SGCD: variants seen among roughly 807,000 people sequenced by gnomAD.
The protein encoded by SGCD is delta-sarcoglycan.
SGCD carries 18 observed loss-of-function variants against 36.6 expected under a neutral mutation model. The observed-to-expected ratio is 0.49, with a 90% CI of 0.34 to 0.73. The LOEUF is 0.73. Among genes scored for constraint, SGCD ranks in the 30% least tolerant of loss-of-function variants. The pLI, the probability that SGCD is intolerant of heterozygous loss-of-function variation, is 0.01. For missense variants in SGCD, 387 were observed against 346.7 expected, an observed-to-expected ratio of 1.12 and a Z score of -0.92; for synonymous variants, 133 against 130.6, an observed-to-expected ratio of 1.02 and a Z score of -0.12.
At chr5:156,267,123 G>GT (rs1345994739) in intron 3 of SGCD, among the ~76,000 whole-genome samples, 3 of 152,104 alleles carry the variant, frequency 2.0e-5, no homozygotes, top group African/African-American at 7.2e-5. Context: ...TAAGATGGGG[G>GT]TATCAAATGT....
At chr5:156,542,894 C>T (rs1185854671) in intron 4 of SGCD, among the ~76,000 whole-genome samples, 1 of 152,152 alleles carries the variant, frequency 6.6e-6, no homozygotes, top group Non-Finnish European at 1.5e-5. Flanking sequence ...TCAGAAGAGC[C>T]AGGCACCCCT....
chr5:156,623,944 C>T (rs1238835165), intron 6 of SGCD, among the ~76,000 whole-genome samples: 2 of 152,180 alleles, frequency 1.3e-5, no homozygotes, highest in African/African-American at 4.8e-5. Context: ...CTAATTCTTC[C>T]TCCAAGGACT....
At chr5:156,636,937 CAAAT>C (rs1186377141) in intron 6 of SGCD, among the ~76,000 whole-genome samples, 1 of 152,016 alleles carries the variant, frequency 6.6e-6, no homozygotes, top group Non-Finnish European at 1.5e-5. Flanking sequence ...TAAGGGGTCT[CAAAT>C]AAATAATAAG....
At chr5:156,377,464 G>T (rs1770731076) in intron 3 of SGCD, among the ~76,000 whole-genome samples, 2 of 152,194 alleles carry the variant, frequency 1.3e-5, no homozygotes, top group South Asian at 4.1e-4. Context: ...GTAATGATTT[G>T]TTATAATTTA....
At chr5:156,644,055 G>A (rs1763140555) in intron 6 of SGCD, among the ~76,000 whole-genome samples, 3 of 152,058 alleles carry the variant, frequency 2.0e-5, no homozygotes, top group South Asian at 2.1e-4. Context: ...AGCAAACTCT[G>A]TTAAGCTAGT....
At chr5:156,122,975 AG>A (rs1351080089) in intron 2 of SGCD, among the ~76,000 whole-genome samples, 1 of 151,280 alleles carries the variant, frequency 6.6e-6, no homozygotes, top group African/African-American at 2.4e-5. Flanking sequence ...ACAGGAATCA[AG>A]GTTTACTTGG....
At chr5:156,312,660 G>A (rs1181938174) in intron 3 of SGCD, among the ~76,000 whole-genome samples, 1 of 152,046 alleles carries the variant, frequency 6.6e-6, no homozygotes, top group Non-Finnish European at 1.5e-5. Flanking sequence ...TATGTGATTT[G>A]GGGCAGCTAT....
the SGCD span, among the ~76,000 whole-genome samples, chr5:155,788,882 T>C: frequency 6.6e-6 from 1 of 152,080 alleles, no homozygotes; most frequent in African/African-American, 2.4e-5. Context: ...CAGAGAATGA[T>C]AGTTCAGGCC....
chr5:156,413,044 G>T (rs1209100687), intron 3 of SGCD, among the ~76,000 whole-genome samples: 1 of 151,784 alleles, frequency 6.6e-6, no homozygotes, highest in African/African-American at 2.4e-5. Flanking sequence ...TGATCCACCT[G>T]CCTCGGCCTC....
chr5:156,589,414 A>T (rs1237301260), intron 5 of SGCD, 96 bp downstream of exon 5: 2 of 692,008 alleles, frequency 2.9e-6, no homozygotes, highest in East Asian at 2.7e-5. Flanking sequence ...ACCTGAAAAT[A>T]AAGTGTGCTA....
At chr5:156,262,910 T>TGG (rs1347503268) in intron 3 of SGCD, among the ~76,000 whole-genome samples, 1 of 151,956 alleles carries the variant, frequency 6.6e-6, no homozygotes, top group Non-Finnish European at 1.5e-5. Context: ...TGTGTGTGTG[T>TGG]GTGTGTGTGT....
intron 3 of SGCD, among the ~76,000 whole-genome samples, chr5:156,138,012 A>G (rs1010872388): frequency 6.6e-6 from 1 of 152,168 alleles, no homozygotes; most frequent in Non-Finnish European, 1.5e-5. Flanking sequence ...CCCTGCCCCA[A>G]TCAAGGTACA....
intron 3 of SGCD, among the ~76,000 whole-genome samples, chr5:156,126,652 C>A (rs1195184028): frequency 2.6e-5 from 4 of 152,188 alleles, no homozygotes; most frequent in East Asian, 3.9e-4. Context: ...TGCTTCCTGG[C>A]TCCTGTGCTC....
the SGCD span, among the ~76,000 whole-genome samples, chr5:155,800,252 C>G: frequency 6.6e-6 from 1 of 152,168 alleles, no homozygotes; most frequent in East Asian, 1.9e-4. Flanking sequence ...TTTTGTTGCT[C>G]AATGCTGTAT....
intron 3 of SGCD, among the ~76,000 whole-genome samples, chr5:156,272,271 A>G (rs1020647694): frequency 5.3e-5 from 8 of 152,148 alleles, no homozygotes; most frequent in Admixed American, 4.6e-4. Flanking sequence ...AACATGTGAT[A>G]TTTGGTTTTC....
chr5:155,929,052 C>T (rs575767648), intron 1 of SGCD, among the ~76,000 whole-genome samples: 17 of 152,186 alleles, frequency 1.1e-4, no homozygotes, highest in African/African-American at 2.6e-4. Context: ...ATAAAGTGAA[C>T]GGTAAAATCT....
At chr5:155,962,507 G>A (rs533664170) in intron 1 of SGCD, among the ~76,000 whole-genome samples, 1 of 152,064 alleles carries the variant, frequency 6.6e-6, no homozygotes, top group South Asian at 2.1e-4. Context: ...TATGAGTCCT[G>A]CAAGCTCCTG....
chr5:156,504,207 CAAA>C (rs112419355), intron 3 of SGCD, among the ~76,000 whole-genome samples: 1 of 92,014 alleles, frequency 1.1e-5, no homozygotes, highest in Admixed American at 1.1e-4. Context: ...AGCTCTGTCT[CAAA>C]AAAAAAAAAA....
At chr5:156,001,384 T>A (rs1758660989) in intron 1 of SGCD, among the ~76,000 whole-genome samples, 1 of 152,212 alleles carries the variant, frequency 6.6e-6, no homozygotes, top group South Asian at 2.1e-4. Flanking sequence ...CAAAATCTTG[T>A]CAGTGATTCA....
Sources: gnomAD v4.1 joint callset for allele counts (sites outside exome capture counted in the v4.1 genomes callset) on GRCh38, gnomAD v4.1.1 for gene constraint, MANE v1.5 for transcripts, NCBI Gene and HGNC (gene_info 2026-07-23, HGNC 2026-07-21) for gene names.